The following PIK3C2A variants were observed in gnomAD, a reference collection of about 807,000 sequenced individuals.
PIK3C2A encodes the protein phosphatidylinositol 4-phosphate 3-kinase C2 domain-containing subunit alpha.
A neutral mutation model predicts 204.5 loss-of-function variants in PIK3C2A; 97 were observed. That is an observed-to-expected ratio of 0.47 (90% CI 0.40 to 0.56). The LOEUF is 0.56. PIK3C2A is among the 20% of genes least tolerant of loss of function. The pLI is 0.00. For missense variants in PIK3C2A, 1,735 were observed against 1,969.2 expected (o/e 0.88, Z 2.25); for synonymous variants, 653 against 664.4 (o/e 0.98, Z 0.26).
rs1445312649 is a variant in PIK3C2A, at chr11:17,145,851, T to C, written c.1640+12A>G. On this transcript the variant is annotated intron_variant, in intron 7 of 32. Transcript: ENST00000691414. ...GTCTGAAAACCTGCAATTAATGCTT[T>C]AGATGATATACCTCGTCATGGCTTC... is the stretch of plus-strand genomic sequence containing the variant. 7 of 1,609,408 alleles carry C rather than the reference T, an allele frequency of 4.3e-6. No individual in the cohort carries two copies. Among genetic ancestry groups the C allele is most frequent in the Non-Finnish European group, 6.0e-6 (7 of 1,176,054 alleles).
chr11:17,124,253 TA>T (rs1849450014), intron 13 of PIK3C2A, among the ~76,000 whole-genome samples: 1 of 152,158 alleles, frequency 6.6e-6, no homozygotes, highest in Non-Finnish European at 1.5e-5. Context: ...CAAATACTGT[TA>T]TATATCTCTA....
At chr11:17,113,398 G>A (rs1565249494) in intron 20 of PIK3C2A, among the ~76,000 whole-genome samples, 2 of 152,030 alleles carry the variant, frequency 1.3e-5, no homozygotes, top group African/African-American at 4.8e-5. Context: ...TCACTGTGAT[G>A]TGAGACCTCC....
At position 17,164,148 on chromosome 11, in the gene PIK3C2A, TG is replaced by T. The variant is rs556909490; in HGVS notation, c.1065+4528del. On this transcript the variant is annotated intron_variant, in intron 2 of 32. Coordinates refer to ENST00000691414, the MANE Select transcript of PIK3C2A (RefSeq NM_002645.4). ...TCTCTTTTCAAGACATACTCTAGGCTGGGCACAATGGCTTACACCACAGGGA... is the reference window on the plus strand; with the variant it reads ...TCTCTTTTCAAGACATACTCTAGGCTGGCACAATGGCTTACACCACAGGGA... Among the ~76,000 whole-genome samples the T allele has an allele frequency of 9.9e-5, 15 of 152,168 alleles. No homozygotes were observed. In the East Asian group the frequency reaches 2.9e-3, roughly 29 times the overall value.
chr11:17,122,453 A>C, intron 14 of PIK3C2A, 120 bp from the exon 15 acceptor site: 1 of 679,180 alleles, frequency 1.5e-6, no homozygotes, highest in Non-Finnish European at 2.5e-6. Context: ...TGAATATTAA[A>C]TTAATGCTTC....
Position 17,135,116 on chromosome 11 carries a change from G to GTC in PIK3C2A, c.1891_1892insGA (p.Thr631ArgfsTer14). The GTC allele has an allele frequency of 6.2e-7, 1 of 1,613,864 alleles. No individual in the cohort carries two copies. The highest frequency in any genetic ancestry group is 8.5e-7 in the Non-Finnish European group (1 of 1,179,820). ...TTAAAGATTTAAACACATACCCCTA[G>GTC]TTGAACTCCTGCTAGTGTCTTCTCC... is the stretch of plus-strand genomic sequence containing the variant. On this transcript the variant is annotated frameshift_variant, in exon 10 of 33. Transcript: ENST00000691414. LOFTEE classifies it high-confidence loss of function.
chr11:17,096,308 G>T (rs999510371), intron 27 of PIK3C2A, among the ~76,000 whole-genome samples: 1 of 152,136 alleles, frequency 6.6e-6, no homozygotes, highest in Non-Finnish European at 1.5e-5. Flanking sequence ...AAAGTGCTGG[G>T]ATTATAGGCA....
chr11:17,110,549 G>T lies in PIK3C2A; in HGVS notation c.3427C>A (p.Leu1143Ile), dbSNP rs1342002914. ...INVMFKVGED[L>I]RQDMLALQMI... is the part of the protein sequence containing the mutation. Reference sequence around the variant, plus strand: ...TGTAAAGCTAACATATCTTGCCGAAGATCTTCACCAACCTTGAAATCAAGG... The same window carrying T: ...TGTAAAGCTAACATATCTTGCCGAATATCTTCACCAACCTTGAAATCAAGG... Residue 1143 changes from leucine to isoleucine, a missense_variant, in exon 22 of 33, where the codon CTT becomes ATT. By Grantham distance (5) the Leu-to-Ile change is conservative. Around this residue, in one of 6 missense-constraint regions of PIK3C2A, gnomAD observed 503 missense variants for 669.0 expected, o/e 0.75. Coordinates refer to ENST00000691414, the MANE Select transcript of PIK3C2A (RefSeq NM_002645.4). 3.1e-6 allele frequency: 5 copies of T among 1,609,648 alleles called. No individual in the cohort carries two copies. Among genetic ancestry groups the T allele is most frequent in the Non-Finnish European group, 2.5e-6 (3 of 1,178,250 alleles).
chr11:17,192,589 G>A (rs1225003837), intron 1 of PIK3C2A, among the ~76,000 whole-genome samples: 2 of 152,180 alleles, frequency 1.3e-5, no homozygotes, highest in Admixed American at 6.5e-5. Context: ...TGGGATTACA[G>A]GTGTGTGCTA....
intron 22 of PIK3C2A, among the ~76,000 whole-genome samples, chr11:17,107,229 C>T (rs1202114590): frequency 6.6e-6 from 1 of 152,172 alleles, no homozygotes; most frequent in African/African-American, 2.4e-5. Context: ...AGGAGAATGG[C>T]ATGAACCCAG....
chr11:17,143,694 T>C (rs754604008), intron 8 of PIK3C2A, among the ~76,000 whole-genome samples: 26 of 150,956 alleles, frequency 1.7e-4, no homozygotes, highest in Non-Finnish European at 2.8e-4. Context: ...TCCAGCACTA[T>C]GGGAGGCCAA....
chr11:17,165,538 G>A (rs1388190781), intron 2 of PIK3C2A, among the ~76,000 whole-genome samples: 1 of 151,922 alleles, frequency 6.6e-6, no homozygotes, highest in East Asian at 1.9e-4. Flanking sequence ...CACGTTGGAA[G>A]GCTGAGGCAG....
At chr11:17,151,093 C>A (rs534519101) in intron 3 of PIK3C2A, among the ~76,000 whole-genome samples, 1 of 152,186 alleles carries the variant, frequency 6.6e-6, no homozygotes, top group Non-Finnish European at 1.5e-5. Context: ...TTCTAAGGAC[C>A]TTTTTCGTAC....
Position 17,168,877 on chromosome 11 carries a change from G to A in PIK3C2A, c.865C>T (p.His289Tyr), listed in dbSNP as rs750362681. Residue 289 changes from histidine (H) to tyrosine (Y), a missense_variant, in exon 2 of 33, where the codon CAT (histidine) becomes TAT (tyrosine). His to Tyr is a moderately conservative substitution (Grantham distance 83, BLOSUM62 2). This residue lies in a region of PIK3C2A where 536 missense variants were observed against 546.7 expected (regional missense o/e 0.98). Transcript: ENST00000691414. ...CTTGAAACATTTTTCTCTTCCTCATGGTCTAATACCTCCACATTATCCACC... is the reference window on the plus strand; with the variant it reads ...CTTGAAACATTTTTCTCTTCCTCATAGTCTAATACCTCCACATTATCCACC... ...PKVDNVEVLD[H>Y]EEEKNVSSLL... The A allele has an allele frequency of 6.2e-7, 1 of 1,614,046 alleles. No individual in the cohort carries two copies.
At chr11:17,193,454 T>C (rs1203714242) in intron 1 of PIK3C2A, 2 of 396,904 alleles carry the variant, frequency 5.0e-6, no homozygotes, top group Middle Eastern at 8.3e-4. Flanking sequence ...CTTCCGGTTC[T>C]AGGTGCTTCA....
intron 22 of PIK3C2A, among the ~76,000 whole-genome samples, chr11:17,106,452 T>C (rs374668488): frequency 1.3e-5 from 2 of 152,174 alleles, no homozygotes; most frequent in Non-Finnish European, 2.9e-5. Context: ...TGGCCGCCAA[T>C]CAAAATTGTT....
intron 1 of PIK3C2A, among the ~76,000 whole-genome samples, chr11:17,204,152 C>T (rs192720189): frequency 2.2e-4 from 34 of 152,208 alleles, no homozygotes; most frequent in African/African-American, 8.2e-4. Context: ...TTAATGCACC[C>T]AGCCTCTAGA....
Position 17,148,931 on chromosome 11 carries a change from A to G in PIK3C2A, c.1328-144T>C, listed in dbSNP as rs558936765. ...CCACATATATAATTTTAAATTTTCTAGTTGCCACATTGAAAAAAGTAAATG... is the reference window on the plus strand; with the variant it reads ...CCACATATATAATTTTAAATTTTCTGGTTGCCACATTGAAAAAAGTAAATG... On this transcript the variant is annotated intron_variant, in intron 4 of 32. Coordinates refer to ENST00000691414, the MANE Select transcript of PIK3C2A (RefSeq NM_002645.4). 671 of 540,270 alleles carry G rather than the reference A, an allele frequency of 1.2e-3. 6 individuals carry two copies. The highest frequency in any genetic ancestry group is 0.011 in the South Asian group (195 of 18,370). 33.5% of individuals were successfully genotyped at this position (540,270 alleles called of 1,614,324 possible).
chr11:17,145,558 A>T (rs927370184), intron 8 of PIK3C2A, 110 bp downstream of exon 8: 1 of 662,582 alleles, frequency 1.5e-6, no homozygotes, highest in Non-Finnish European at 2.7e-6. Context: ...AAAGAAGAAT[A>T]TAGTCTTAAA....
chr11:17,112,543 C>T, intron 21 of PIK3C2A, 31 bp downstream of exon 21: 1 of 1,016,250 alleles, frequency 9.8e-7, no homozygotes, highest in South Asian at 1.6e-5. Flanking sequence ...TTCTAAATTG[C>T]CATTAAAAAA....
Sources: gnomAD v4.1 joint callset for allele counts (sites outside exome capture counted in the v4.1 genomes callset) on GRCh38, gnomAD v4.1.1 for gene constraint, gnomAD v4.1.1 regional missense constraint, MANE v1.5 for transcripts, NCBI Gene and HGNC (gene_info 2026-07-23, HGNC 2026-07-21) for gene names.